Variants in PCDHA4 observed in about 807,000 individuals in gnomAD.
PCDHA4 encodes the protein protocadherin alpha-4.
Under a neutral mutation model 61.4 loss-of-function variants are expected in PCDHA4, and 49 were observed. The observed-to-expected ratio is 0.80, with a 90% confidence interval of 0.63 to 1.01. The LOEUF (loss-of-function observed/expected upper bound fraction) is 1.01, where lower values mean the gene tolerates loss of function less well. Among genes scored for constraint, PCDHA4 ranks in the 50% least tolerant of loss-of-function variants. The probability of loss-of-function intolerance (pLI) is 0.00; values close to 1 mark genes in which losing one functional copy is unlikely to be tolerated. For synonymous variants in PCDHA4, 590 were observed against 550.3 expected (o/e 1.07, Z -1.01); for missense variants, 1,254 against 1,235.8 (o/e 1.01, Z -0.22).
chr5:140,967,072 C>A, intron 1 of PCDHA4: 7 of 1,613,106 alleles, frequency 4.3e-6, no homozygotes, highest in Non-Finnish European at 5.9e-6. Context: ...TCTTCGTCAA[C>A]GAGCGCATTG....
Position 140,854,738 on chromosome 5 carries a change from G to A in PCDHA4, c.2385+45166G>A, listed in dbSNP as rs894422305. The A allele has an allele frequency of 8.7e-5, 13 of 149,392 alleles. 1 individual carries two copies. The East Asian group carries it at 2.5e-3, about 29-fold the overall frequency. 9.3% of individuals were successfully genotyped at this position (149,392 alleles called of 1,614,324 possible). On this transcript the variant is annotated intron_variant, in intron 1 of 3. Coordinates refer to ENST00000530339, the MANE Select transcript of PCDHA4 (RefSeq NM_018907.4). ...CAGAAAACTCAAGTTTTTTTCAGCA[G>A]CACAGATATATTACATTTTCATTCC...
chr5:140,973,015 A>T (rs1554234824), intron 1 of PCDHA4, among the ~76,000 whole-genome samples: 1 of 152,000 alleles, frequency 6.6e-6, no homozygotes, highest in African/African-American at 2.4e-5. Context: ...TGGTGTTGTG[A>T]TTGTTAATGA....
intron 1 of PCDHA4, among the ~76,000 whole-genome samples, chr5:140,885,615 AAT>A (rs1411025177): frequency 6.6e-6 from 1 of 152,162 alleles, no homozygotes; most frequent in African/African-American, 2.4e-5. Context: ...TTAATTATAA[AAT>A]ATGTCACTGG....
chr5:140,943,923 C>A (rs1454812803), intron 1 of PCDHA4, among the ~76,000 whole-genome samples: 1 of 152,162 alleles, frequency 6.6e-6, no homozygotes, highest in Non-Finnish European at 1.5e-5. Flanking sequence ...GCATGAGCAG[C>A]TTTAGAAGTG....
In PCDHA4 at chr5:140,852,980, G is replaced by A. The variant is rs2150526808; in HGVS notation, c.2385+43408G>A. The A allele has an allele frequency of 1.0e-4, 36 of 347,518 alleles. 1 individual carries two copies. The highest frequency in any genetic ancestry group is 1.4e-4 in the Non-Finnish European group (33 of 236,394). 21.5% of individuals were successfully genotyped at this position (347,518 alleles called of 1,614,324 possible). A position where few individuals can be genotyped will look rare whatever the true frequency, so the allele number is the denominator to read the frequency against. The stretch of plus-strand genomic sequence containing the variant: ...TCCAAGCTCCCCCTCCCGTGTTCAC[G>A]CCATTCTCCTGCCTCAGCCTCCCGA... On this transcript the variant is annotated intron_variant, in intron 1 of 3. Transcript: ENST00000530339.
chr5:140,816,370 C>T (rs1765892355), intron 1 of PCDHA4: 1 of 152,098 alleles, frequency 6.6e-6, no homozygotes, highest in South Asian at 2.1e-4. Context: ...TGAATATTTT[C>T]TATCTGCTGA....
chr5:140,928,645 G>A (rs782494285), intron 1 of PCDHA4: 4 of 1,614,084 alleles, frequency 2.5e-6, no homozygotes, highest in Non-Finnish European at 2.5e-6. Context: ...AAAAGTGGTA[G>A]CAGAGGATGC....
At chr5:140,883,474 G>C in intron 1 of PCDHA4, 1 of 1,614,126 alleles carries the variant, frequency 6.2e-7, no homozygotes, top group Middle Eastern at 1.7e-4. Flanking sequence ...CCACCTACAA[G>C]AACTACTACT....
At chr5:140,951,448 G>A (rs892144078) in intron 1 of PCDHA4, among the ~76,000 whole-genome samples, 74 of 152,022 alleles carry the variant, frequency 4.9e-4, no homozygotes, top group African/African-American at 1.7e-3. Context: ...GCATGATGCC[G>A]GCCATCTGCT....
At chr5:140,828,481 G>A (rs2150155852) in intron 1 of PCDHA4, 2 of 1,614,204 alleles carry the variant, frequency 1.2e-6, no homozygotes, top group Admixed American at 1.7e-5. Flanking sequence ...ACGACAACCC[G>A]CCCTTGTTCC....
chr5:140,966,470 T>C, intron 1 of PCDHA4: 1 of 431,298 alleles, frequency 2.3e-6, no homozygotes, highest in Non-Finnish European at 4.0e-6. Context: ...TCTTCCCTTC[T>C]GTTTCCTTTT....
chr5:140,890,341 T>C (rs2062601372), intron 1 of PCDHA4, among the ~76,000 whole-genome samples: 1 of 152,190 alleles, frequency 6.6e-6, no homozygotes, highest in Non-Finnish European at 1.5e-5. Context: ...GTTGGGATGG[T>C]TTACTATATA....
intron 1 of PCDHA4, among the ~76,000 whole-genome samples, chr5:140,839,991 G>A (rs1554137668): frequency 1.3e-5 from 2 of 152,072 alleles, no homozygotes; most frequent in Admixed American, 1.3e-4. Flanking sequence ...AAAGTGGTTA[G>A]CCTTAGCACT....
rs1405025133 is a variant in PCDHA4, at chr5:140,828,918, C to A, written c.2385+19346C>A. The A allele has an allele frequency of 5.6e-6, 9 of 1,614,104 alleles. 1 individual carries two copies. The highest frequency in any genetic ancestry group is 7.6e-6 in the Non-Finnish European group (9 of 1,180,046). On this transcript the variant is annotated intron_variant, in intron 1 of 3. Transcript: ENST00000530339. ...GATCGGGATGAAGGAGCGAATGGGG[C>A]AATTTCATATTCTTTTAATAGCCTT... is the stretch of plus-strand genomic sequence containing the variant.
chr5:140,884,733 T>C lies in PCDHA4; in HGVS notation c.2385+75161T>C, dbSNP rs782206169. On this transcript the variant is annotated intron_variant, in intron 1 of 3. Transcript: ENST00000530339. ...TCCTTGCAGTTGTTTGTTTAAGACA[T>C]CTTTCCTGCCAATTTCAAATTATTC... 1.1e-4 allele frequency: 158 copies of C among 1,448,002 alleles called. No homozygotes were observed. The Middle Eastern group carries it at 1.8e-3, about 17-fold the overall frequency. The allele number at this position is 1,448,002 out of a possible 1,614,324, so 89.7% of individuals were successfully genotyped here. A position where few individuals can be genotyped will look rare whatever the true frequency, so the allele number is the denominator to read the frequency against.
intron 1 of PCDHA4, chr5:140,853,462 C>A: frequency 1.0e-6 from 1 of 971,970 alleles, no homozygotes; most frequent in Non-Finnish European, 1.2e-6. Context: ...TCCTTATATG[C>A]ATCTGTAGTT....
intron 1 of PCDHA4, chr5:140,827,885 TTTC>T (rs1178220618): frequency 1.5e-6 from 1 of 684,818 alleles, no homozygotes; most frequent in Non-Finnish European, 2.5e-6. Context: ...CGTGAATTGA[TTTC>T]TTACCTTTTG....
intron 1 of PCDHA4, chr5:140,877,942 C>T: frequency 7.3e-7 from 1 of 1,367,876 alleles, no homozygotes; most frequent in Admixed American, 3.1e-5. Flanking sequence ...ATCCTTTAAA[C>T]TATCGAATGT....
intron 1 of PCDHA4, among the ~76,000 whole-genome samples, chr5:140,819,465 G>A (rs930303928): frequency 6.6e-6 from 1 of 152,082 alleles, no homozygotes; most frequent in Admixed American, 6.5e-5. Context: ...AAGAACTTCT[G>A]TTTACACAAT....
Sources: gnomAD v4.1 joint callset for allele counts (sites outside exome capture counted in the v4.1 genomes callset) on GRCh38, gnomAD v4.1.1 for gene constraint, MANE v1.5 for transcripts, NCBI Gene and HGNC (gene_info 2026-07-23, HGNC 2026-07-21) for gene names.